The following HCRTR2 variants were observed in gnomAD, a reference collection of about 807,000 sequenced individuals.
HCRTR2 encodes the protein hypocretin receptor 2.
HCRTR2 carries 22 observed loss-of-function variants against 49.0 expected under a neutral mutation model. The ratio of observed to expected loss-of-function variants is 0.45; its 90% CI spans 0.32 to 0.64. HCRTR2 has a LOEUF of 0.64. Ranked by LOEUF, HCRTR2 falls within the 30% of genes least tolerant of loss-of-function variation. The pLI is 0.04. For synonymous variants in HCRTR2, 236 were observed against 205.3 expected, an observed-to-expected ratio of 1.15 and a Z score of -1.28; for missense variants, 491 against 559.4, an observed-to-expected ratio of 0.88 and a Z score of 1.23.
intron 3 of HCRTR2, 99 bp from the exon 4 acceptor site, chr6:55,263,608 A>G: frequency 1.4e-6 from 1 of 708,594 alleles, no homozygotes; most frequent in Non-Finnish European, 2.5e-6. Flanking sequence ...AATCATATAA[A>G]AGGTAAATAT....
At chr6:55,229,356 C>T (rs892588789) in intron 1 of HCRTR2, among the ~76,000 whole-genome samples, 4 of 151,986 alleles carry the variant, frequency 2.6e-5, no homozygotes, top group African/African-American at 9.7e-5. Context: ...CTCAAAAAAT[C>T]AAAAATAGAA....
chr6:55,228,219 G>C (rs887233134), intron 1 of HCRTR2, among the ~76,000 whole-genome samples: 1 of 104,740 alleles, frequency 9.5e-6, no homozygotes, highest in African/African-American at 2.7e-5. Flanking sequence ...ATAGACAAAA[G>C]TTTTGAAATT....
At chr6:55,249,810 C>T (rs1766514197) in intron 2 of HCRTR2, among the ~76,000 whole-genome samples, 1 of 151,980 alleles carries the variant, frequency 6.6e-6, no homozygotes, top group Admixed American at 6.6e-5. Context: ...GATGGATTTC[C>T]CTTAGGAATT....
chr6:55,200,978 T>A (rs1476772965), intron 1 of HCRTR2, among the ~76,000 whole-genome samples: 1 of 152,248 alleles, frequency 6.6e-6, no homozygotes, highest in Admixed American at 6.5e-5. Flanking sequence ...GAGAATGCAA[T>A]TTTTTACTTG....
At position 55,203,559 on chromosome 6, in the gene HCRTR2, G is replaced by A. The variant is rs57463764; in HGVS notation, c.223+28749G>A. On this transcript the variant is annotated intron_variant, in intron 1 of 6. Transcript: ENST00000370862. ...AATTTTAGATGAAGTTAAGTGCTATGGAAAAAAGTAAAATGGAAGAGGTGT... is the reference window on the plus strand; with the variant it reads ...AATTTTAGATGAAGTTAAGTGCTATAGAAAAAAGTAAAATGGAAGAGGTGT... Among the ~76,000 whole-genome samples, 599 of 152,202 alleles carry A rather than the reference G, an allele frequency of 3.9e-3. 3 individuals carry two copies. The highest frequency in any genetic ancestry group is 0.013 in the African/African-American group (559 of 41,528).
At chr6:55,203,397 G>A (rs1581827076) in intron 1 of HCRTR2, among the ~76,000 whole-genome samples, 2 of 151,780 alleles carry the variant, frequency 1.3e-5, no homozygotes, top group African/African-American at 4.8e-5. Flanking sequence ...TTATACTGTC[G>A]GCCTACCTGT....
intron 1 of HCRTR2, among the ~76,000 whole-genome samples, chr6:55,110,781 G>A (rs912392559): frequency 1.3e-5 from 2 of 151,966 alleles, no homozygotes; most frequent in African/African-American, 2.4e-5. Flanking sequence ...AATAGTGGGA[G>A]ACTTCAATAC....
At chr6:55,173,160 A>C (rs4609033), upstream of HCRTR2, among the ~76,000 whole-genome samples, 26,025 of 152,230 alleles carry the variant, frequency 0.17, 2,546 homozygotes, top group Non-Finnish European at 0.23. Flanking sequence ...GTCATGTGGA[A>C]GATTTATTCT....
chr6:55,115,169 A>G (rs534364011), intron 1 of HCRTR2, among the ~76,000 whole-genome samples: 6 of 151,722 alleles, frequency 4.0e-5, no homozygotes, highest in African/African-American at 1.5e-4. Flanking sequence ...TCATTCAAAC[A>G]TTTCTATCTT....
At chr6:55,179,341 C>T (rs2127271846) in intron 1 of HCRTR2, among the ~76,000 whole-genome samples, 1 of 152,242 alleles carries the variant, frequency 6.6e-6, no homozygotes, top group South Asian at 2.1e-4. Context: ...TGAATAGTGA[C>T]TGTAAAAGGT....
chr6:55,170,042 C>T (rs1764926461), upstream of HCRTR2, among the ~76,000 whole-genome samples: 1 of 22,466 alleles, frequency 4.5e-5, no homozygotes, highest in African/African-American at 1.9e-4. Flanking sequence ...CTACCTATAA[C>T]CACCAAGAAA....
At chr6:55,186,562 G>C (rs543931796) in intron 1 of HCRTR2, among the ~76,000 whole-genome samples, 1 of 152,208 alleles carries the variant, frequency 6.6e-6, no homozygotes, top group African/African-American at 2.4e-5. Flanking sequence ...TTGTTCTTTT[G>C]TTTTCTCAAG....
intron 1 of HCRTR2, among the ~76,000 whole-genome samples, chr6:55,166,496 GCA>G (rs1561992994): frequency 6.6e-6 from 1 of 151,718 alleles, no homozygotes; most frequent in Non-Finnish European, 1.5e-5. Flanking sequence ...CACACACAAC[GCA>G]CACACAAAAT....
Position 55,282,597 on chromosome 6 carries a change from A to T in HCRTR2, c.*143A>T, listed in dbSNP as rs1273418965. 10 of 573,806 alleles carry T rather than the reference A, an allele frequency of 1.7e-5. No individual in the cohort carries two copies. The Admixed American group carries it at 2.2e-4, about 13-fold the overall frequency. The allele number at this position is 573,806 out of a possible 1,614,324, so 35.5% of individuals were successfully genotyped here. On this transcript the variant is annotated 3_prime_UTR_variant, in exon 7 of 7. Transcript: ENST00000370862. ...TTTTAATCTATTGCTCTTTGGAAAT[A>T]AAAAAAAAGTCAGTTTAAAATGATT...
intron 1 of HCRTR2, among the ~76,000 whole-genome samples, chr6:55,244,626 A>G (rs1766396281): frequency 6.6e-6 from 1 of 152,102 alleles, no homozygotes; most frequent in South Asian, 2.1e-4. Context: ...GGTGATGTTT[A>G]CTTTGTACTT....
At chr6:55,240,274 C>G (rs143160267) in intron 1 of HCRTR2, among the ~76,000 whole-genome samples, 2 of 133,188 alleles carry the variant, frequency 1.5e-5, no homozygotes, top group South Asian at 2.5e-4. Flanking sequence ...AGGAGAATGG[C>G]GTGAACCCGG....
chr6:55,257,261 G>T (rs564145188), intron 3 of HCRTR2, among the ~76,000 whole-genome samples: 1 of 151,994 alleles, frequency 6.6e-6, no homozygotes, highest in East Asian at 1.9e-4. Flanking sequence ...AGCCTAAAAA[G>T]GTCTTTCTCA....
At chr6:55,217,683 A>G (rs935407954) in intron 1 of HCRTR2, among the ~76,000 whole-genome samples, 1 of 152,152 alleles carries the variant, frequency 6.6e-6, no homozygotes. Context: ...TATTTTGGCC[A>G]TAATCACTTA....
chr6:55,110,605 A>T (rs745474086), intron 1 of HCRTR2, among the ~76,000 whole-genome samples: 21 of 144,392 alleles, frequency 1.5e-4, no homozygotes, highest in Non-Finnish European at 2.9e-4. Flanking sequence ...CAAACTTTAA[A>T]GCAACAACAA....
Sources: gnomAD v4.1 joint callset for allele counts (sites outside exome capture counted in the v4.1 genomes callset) on GRCh38, gnomAD v4.1.1 for gene constraint, MANE v1.5 for transcripts, NCBI Gene and HGNC (gene_info 2026-07-23, HGNC 2026-07-21) for gene names.